SPATA21: variants seen among roughly 807,000 people sequenced by gnomAD.
SPATA21 encodes the protein spermatogenesis-associated protein 21.
In SPATA21, 47 loss-of-function variants were observed where a neutral mutation model predicts 54.8. That is an observed-to-expected ratio of 0.86 (90% CI 0.68 to 1.09). The LOEUF (loss-of-function observed/expected upper bound fraction) is 1.09. Ranked by LOEUF, SPATA21 falls within the 50% of genes least tolerant of loss-of-function variation. The pLI, the probability that SPATA21 is intolerant of heterozygous loss-of-function variation, is 0.00. For missense variants in SPATA21, 599 were observed against 596.4 expected (o/e 1.00, Z -0.05); for synonymous variants, 245 against 235.3 (o/e 1.04, Z -0.38).
chr1:16,425,392 C>T (rs767545969), intron 3 of SPATA21: 3 of 1,025,442 alleles, frequency 2.9e-6, no homozygotes, highest in Non-Finnish European at 4.3e-6. Flanking sequence ...GGGATCACCC[C>T]TGCCTCAGCC....
rs2085718478 is a variant in SPATA21 at position 16,408,488 on chromosome 1, A to G, written c.673+630T>C. On this transcript the variant is annotated intron_variant, in intron 7 of 12. Coordinates refer to ENST00000335496, the MANE Select transcript of SPATA21 (RefSeq NM_198546.1). ...GCTTGGGTTAAGGGAAGAAGAAACT[A>G]TTCCAAAACCTAAAGCACTGTGCAG... The G allele has an allele frequency of 5.1e-6, 5 of 985,384 alleles. No individual in the cohort carries two copies. The South Asian group carries it at 1.9e-4, about 37-fold the overall frequency. 61.0% of individuals were successfully genotyped at this position (985,384 alleles called of 1,614,324 possible).
chr1:16,422,509 ATTT>A (rs112533132), intron 3 of SPATA21, among the ~76,000 whole-genome samples: 6 of 142,808 alleles, frequency 4.2e-5, no homozygotes, highest in Admixed American at 2.1e-4. Context: ...GTGTGTGTGT[ATTT>A]TTTTTTTTTT....
chr1:16,417,622 G>GT (rs200962566), intron 5 of SPATA21, among the ~76,000 whole-genome samples: 7,147 of 151,776 alleles, frequency 0.047, 245 homozygotes, highest in Non-Finnish European at 0.072. Context: ...TAGAGACGGG[G>GT]TTTTTTTTCC....
downstream of SPATA21, chr1:16,396,493 G>A (rs968446647): frequency 2.6e-5 from 4 of 152,348 alleles, no homozygotes; most frequent in Admixed American, 2.6e-4. Context: ...GGAGCCTGGG[G>A]TTTGCTTTGG....
rs949442139 is a variant in SPATA21 at position 16,403,646 on chromosome 1, A to G, written c.1001+81T>C. 3.9e-6 allele frequency: 5 copies of G among 1,268,534 alleles called. No homozygotes were observed. The African/African-American group carries it at 7.4e-5, about 19-fold the overall frequency. 78.6% of individuals were successfully genotyped at this position (1,268,534 alleles called of 1,614,324 possible). On this transcript the variant is annotated intron_variant, in intron 10 of 12. Coordinates refer to ENST00000335496, the MANE Select transcript of SPATA21 (RefSeq NM_198546.1). ...TCACTTGTGACTAAAAGTCGTAACT[A>G]CCAAAAGTTCTCAGTGCCAAAATGC...
chr1:16,413,691 G>A (rs544235343), intron 5 of SPATA21, among the ~76,000 whole-genome samples: 15 of 151,988 alleles, frequency 9.9e-5, no homozygotes, highest in African/African-American at 2.9e-4. Context: ...TTGGCTCACC[G>A]AACCTCCACC....
At chr1:16,404,832 T>G in intron 8 of SPATA21, 135 bp downstream of exon 8, 1 of 1,030,590 alleles carries the variant, frequency 9.7e-7, no homozygotes. Context: ...AACAAAGGCA[T>G]TTCTAGACTG....
At position 16,409,619 on chromosome 1, in the gene SPATA21, A is replaced by C. The variant is rs774327654; in HGVS notation, c.569T>G (p.Leu190Arg). The C allele has an allele frequency of 1.3e-5, 21 of 1,612,198 alleles. No individual in the cohort carries two copies. The highest frequency in any genetic ancestry group is 1.5e-5 in the Non-Finnish European group (18 of 1,179,810). The change falls in exon 6 of 13, where the codon CTG becomes CGG. Residue 190 changes from leucine to arginine, a missense_variant. Coordinates refer to ENST00000335496, the MANE Select transcript of SPATA21 (RefSeq NM_198546.1). The surrounding 1 kb of genome is among the most constrained non-coding windows in gnomAD (Gnocchi z 4.1). ...CTCCTACCGCGCCTTGGCGTAGCTC[A>C]GGGTTCTCTCGCTGCTCTGGTGCAA... The part of the protein sequence containing the change: ...ELLHQSSERT[L>R]SYAKARQEPE...
At chr1:16,413,176 C>A (rs2085903220) in intron 5 of SPATA21, among the ~76,000 whole-genome samples, 1 of 151,980 alleles carries the variant, frequency 6.6e-6, no homozygotes, top group Non-Finnish European at 1.5e-5. Context: ...TAAATAATAA[C>A]CTCCCATCAC....
At chr1:16,415,336 C>CA (rs35407415) in intron 5 of SPATA21, among the ~76,000 whole-genome samples, 34,634 of 149,518 alleles carry the variant, frequency 0.23, 4,982 homozygotes, top group East Asian at 0.68. Context: ...ATGTGACCCT[C>CA]AAAAAAAAAA....
At chr1:16,420,354 G>T (rs905108320) in intron 5 of SPATA21, among the ~76,000 whole-genome samples, 2 of 151,892 alleles carry the variant, frequency 1.3e-5, no homozygotes, top group African/African-American at 2.4e-5. Flanking sequence ...CTGCAAAGGG[G>T]AGCAAGGAAA....
At chr1:16,400,130 G>A (rs1349328651) in intron 11 of SPATA21, among the ~76,000 whole-genome samples, 1 of 151,888 alleles carries the variant, frequency 6.6e-6, no homozygotes, top group Non-Finnish European at 1.5e-5. Flanking sequence ...GGGTTCAAGC[G>A]ATTCTCCAGC....
At chr1:16,400,518 C>G in intron 11 of SPATA21, 1 of 1,347,460 alleles carries the variant, frequency 7.4e-7, no homozygotes, top group Non-Finnish European at 9.5e-7. Context: ...AGGAGTCCAA[C>G]GCAGGAGGCC....
chr1:16,434,516 A>G (rs1362016810), intron 1 of SPATA21, among the ~76,000 whole-genome samples: 1 of 152,044 alleles, frequency 6.6e-6, no homozygotes, highest in Non-Finnish European at 1.5e-5. Flanking sequence ...CAGGCTGCTC[A>G]AAGTCCTGAG....
intron 1 of SPATA21, among the ~76,000 whole-genome samples, chr1:16,435,830 T>C (rs1232604509): frequency 6.6e-6 from 1 of 152,204 alleles, no homozygotes; most frequent in African/African-American, 2.4e-5. Context: ...GCACGGTAAA[T>C]GTTCTTTATA....
At chr1:16,400,947 C>G (rs560360191) in intron 10 of SPATA21, 55 bp from the exon 11 acceptor site, 5 of 1,563,834 alleles carry the variant, frequency 3.2e-6, no homozygotes, top group Middle Eastern at 2.0e-4. Context: ...TCACCCTTCT[C>G]CTCCTCAGCC....
At chr1:16,399,623 GA>G (rs2085382193) in intron 11 of SPATA21, 102 bp from the exon 12 acceptor site, 1 of 1,360,818 alleles carries the variant, frequency 7.3e-7, no homozygotes, top group Admixed American at 2.3e-5. Flanking sequence ...ATAATGACCT[GA>G]GTGGTTTGGG....
chr1:16,403,798 T>G lies in SPATA21; in HGVS notation c.930A>C (p.Leu310=), dbSNP rs372761647. ...CCAGCAGGGACAGGATCTCAAAGAG[T>G]AGAGTGTGGGGGTTGTGGGGAGCCA... ...SDMAPHNPHT[L]LFEILSLLVE... The change falls in exon 10 of 13, where the codon CTA becomes CTC. Residue 310 remains leucine, a synonymous_variant. Transcript: ENST00000335496. The G allele has an allele frequency of 4.3e-6, 7 of 1,612,488 alleles. No individual in the cohort carries two copies. The highest frequency in any genetic ancestry group is 5.9e-6 in the Non-Finnish European group (7 of 1,179,484).
rs113355239 is a variant in SPATA21, at chr1:16,419,897, G to A, written c.144+1612C>T. Among the ~76,000 whole-genome samples, 105 of 152,200 alleles carry A rather than the reference G, an allele frequency of 6.9e-4. 1 individual carries two copies. Among genetic ancestry groups the A allele is most frequent in the African/African-American group, 2.4e-3 (100 of 41,532 alleles). Reference sequence around the variant, plus strand: ...AGAGGTTGCAGTGAGCTGAGATTGCGCCACTGCACTTCAGCCTGGGCAACA... The same window carrying A: ...AGAGGTTGCAGTGAGCTGAGATTGCACCACTGCACTTCAGCCTGGGCAACA... On this transcript the variant is annotated intron_variant, in intron 5 of 12. Transcript: ENST00000335496.
Sources: gnomAD v4.1 joint callset for allele counts (sites outside exome capture counted in the v4.1 genomes callset) on GRCh38, gnomAD v4.1.1 for gene constraint, Gnocchi (gnomAD v3.1) non-coding constraint, MANE v1.5 for transcripts, NCBI Gene and HGNC (gene_info 2026-07-23, HGNC 2026-07-21) for gene names.